Variants in PLEKHA4 observed in about 807,000 individuals in gnomAD.
The protein encoded by PLEKHA4 is pleckstrin homology domain-containing family A member 4.
A neutral mutation model predicts 94.7 loss-of-function variants in PLEKHA4; 73 were observed. That is an observed-to-expected ratio of 0.77 (90% CI 0.64 to 0.94). The LOEUF is 0.94. Among genes scored for constraint, PLEKHA4 ranks in the 40% least tolerant of loss-of-function variants. PLEKHA4 has a pLI of 0.00. For missense variants in PLEKHA4, 1,049 were observed against 1,054.1 expected, an observed-to-expected ratio of 1.00 and a Z score of 0.07; for synonymous variants, 449 against 437.1, an observed-to-expected ratio of 1.03 and a Z score of -0.34.
Position 48,837,448 on chromosome 19 carries a change from A to T in PLEKHA4, c.2181T>A (p.Ala727=). ...GAGAGAACCCCGTGGAACCCGAATT[A>T]GCCACCGGGGGAGATCTGGGGGGAG... is the stretch of plus-strand genomic sequence containing the variant. ...ETPPPRSPPV[A]NSGSTGFSRR... is the part of the protein sequence containing the mutation. The change falls in exon 20 of 20, where the codon GCT becomes GCA. Residue 727 remains alanine (A), a synonymous_variant. Transcript: ENST00000263265. The surrounding 1 kb of genome is among the most constrained non-coding windows in gnomAD (Gnocchi z 4.3). 6.2e-7 allele frequency: 1 copy of T among 1,613,206 alleles called. No individual in the cohort carries two copies. The highest frequency in any genetic ancestry group is 8.5e-7 in the Non-Finnish European group (1 of 1,179,614).
intron 6 of PLEKHA4, 107 bp from the exon 7 acceptor site, chr19:48,859,791 G>T (rs1188089066): frequency 3.9e-6 from 4 of 1,033,562 alleles, no homozygotes; most frequent in African/African-American, 1.6e-5. Flanking sequence ...GGAAAGTTGT[G>T]CACTATAAAT....
chr19:48,845,425 G>A lies in PLEKHA4; in HGVS notation c.1688C>T (p.Ser563Phe). ...PHLGLGSPRVSRASSPEGRHL... is the reference protein window; with the variant it reads ...PHLGLGSPRVFRASSPEGRHL... Reference sequence around the variant, plus strand: ...GCGACCCTCAGGGCTGGAAGCCCGGGAGACCCTCGGAGACCCAAGACCTGG... The same window carrying A: ...GCGACCCTCAGGGCTGGAAGCCCGGAAGACCCTCGGAGACCCAAGACCTGG... Residue 563 changes from serine to phenylalanine, a missense_variant, in exon 16 of 20, where the codon TCC (serine) becomes TTC (phenylalanine). Transcript: ENST00000263265. 1 of 1,613,912 alleles carries A rather than the reference G, an allele frequency of 6.2e-7. No homozygotes were observed. The highest frequency in any genetic ancestry group is 8.5e-7 in the Non-Finnish European group (1 of 1,180,024).
Position 48,839,263 on chromosome 19 carries a change from G to C in PLEKHA4, c.1906C>G (p.Pro636Ala), listed in dbSNP as rs745462779. The change falls in exon 18 of 20, where the codon CCT (proline) becomes GCT (alanine). Residue 636 changes from proline to alanine, a missense_variant and splice_region_variant. By Grantham distance (27) the Pro-to-Ala change is conservative. Coordinates refer to ENST00000263265, the MANE Select transcript of PLEKHA4 (RefSeq NM_020904.3). ...TGGGCTCCCGAGTGTCCTACGACAG[G>C]CTGGAAAGGAATTGGGGCATTAGAA... is the stretch of plus-strand genomic sequence containing the variant. ...ARRQPDVEQRPVVGHSGAQKW... is the reference protein window; with the variant it reads ...ARRQPDVEQRAVVGHSGAQKW... 10 of 1,583,468 alleles carry C rather than the reference G, an allele frequency of 6.3e-6. No individual in the cohort carries two copies. The South Asian group carries it at 1.0e-4, about 16-fold the overall frequency.
At chr19:48,852,148 C>T (rs17272658) in intron 13 of PLEKHA4, 80 bp downstream of exon 13, 133,987 of 1,124,668 alleles carry the variant, frequency 0.12, 9,376 homozygotes, top group Non-Finnish European at 0.14. Flanking sequence ...ATTCTGTGGG[C>T]GAAGATTAAA....
At position 48,853,799 on chromosome 19, in the gene PLEKHA4, C is replaced by A; in HGVS notation, c.1209G>T (p.Arg403=). The change falls in exon 12 of 20, where the codon CGG becomes CGT. Residue 403 remains arginine (R), a synonymous_variant. Coordinates refer to ENST00000263265, the MANE Select transcript of PLEKHA4 (RefSeq NM_020904.3). ...EQLEAALELT[R]QQLGQATREA... The stretch of plus-strand genomic sequence containing the variant: ...CCCTGGTGGCTTGGCCCAGCTGTTG[C>A]CGGGTCAACTCCAGAGCTGCTTCTA... The A allele has an allele frequency of 6.2e-7, 1 of 1,612,818 alleles. No individual in the cohort carries two copies. The highest frequency in any genetic ancestry group is 1.1e-5 in the South Asian group (1 of 90,916).
Position 48,867,530 on chromosome 19 carries a change from C to T in PLEKHA4, c.84+7G>A, listed in dbSNP as rs780554947. On this transcript the variant is annotated splice_region_variant and intron_variant, in intron 2 of 19. Transcript: ENST00000263265. The surrounding 1 kb of genome is among the most constrained non-coding windows in gnomAD (Gnocchi z 4.7). ...CTTCCTCCCCATCCCCGCCAGGAAG[C>T]TCAAACCTTGGGGCTCAGGCTGCTG... 6.3e-7 allele frequency: 1 copy of T among 1,591,518 alleles called. No homozygotes were observed. Among genetic ancestry groups the T allele is most frequent in the Non-Finnish European group, 8.5e-7 (1 of 1,171,672 alleles).
At chr19:48,838,333 C>T in intron 18 of PLEKHA4, 1 of 387,878 alleles carries the variant, frequency 2.6e-6, no homozygotes, top group African/African-American at 2.1e-5. Flanking sequence ...AAGGGTAAAT[C>T]CTTGAAAGGG....
At chr19:48,860,934 C>T (rs1287211138) in intron 5 of PLEKHA4, among the ~76,000 whole-genome samples, 2 of 152,052 alleles carry the variant, frequency 1.3e-5, no homozygotes, top group African/African-American at 4.8e-5. Flanking sequence ...TGGACAGACG[C>T]GGTGGCTCAT....
At chr19:48,858,790 G>A in intron 8 of PLEKHA4, 70 bp downstream of exon 8, 1 of 1,559,944 alleles carries the variant, frequency 6.4e-7, no homozygotes, top group Non-Finnish European at 8.8e-7. Context: ...CAATGGCCTT[G>A]AGAATACGGA....
rs1431529904 is a variant in PLEKHA4, at chr19:48,840,969, C to T, written c.1905+180G>A. ...TCCTCCCCTCACTGCCACTCCTGTC[C>T]ACCCACCACTATCCAGGCGAGGAAG... On this transcript the variant is annotated intron_variant, in intron 17 of 19. Coordinates refer to ENST00000263265, the MANE Select transcript of PLEKHA4 (RefSeq NM_020904.3). Among the ~76,000 whole-genome samples the T allele has an allele frequency of 2.0e-5, 3 of 151,894 alleles. No individual in the cohort carries two copies. The East Asian group carries it at 5.8e-4, about 29-fold the overall frequency.
At chr19:48,839,141 T>C (rs1034050014) in intron 18 of PLEKHA4, 64 bp downstream of exon 18, 31 of 1,140,624 alleles carry the variant, frequency 2.7e-5, no homozygotes, top group Non-Finnish European at 6.3e-6. Context: ...ATAATAATGC[T>C]ACTCCCCTTT....
chr19:48,865,420 T>A, intron 3 of PLEKHA4, 83 bp downstream of exon 3: 4 of 932,710 alleles, frequency 4.3e-6, no homozygotes. Context: ...AAAGAAAGCC[T>A]ATTTGGGGAC....
In PLEKHA4 at chr19:48,837,510, G is replaced by A; in HGVS notation, c.2119C>T (p.Pro707Ser). ...CGCGTGGGGTCCGAAGGAGGCAGCG[G>A]CACACCGGGAAGAGGGTCTCCCTGG... is the stretch of plus-strand genomic sequence containing the variant. ...DSQGDPLPGV[P>S]LPPSDPTRQE... The change falls in exon 20 of 20, where the codon CCG (proline) becomes TCG (serine). Residue 707 changes from proline (P) to serine (S), a missense_variant. Coordinates refer to ENST00000263265, the MANE Select transcript of PLEKHA4 (RefSeq NM_020904.3). The surrounding 1 kb of genome is among the most constrained non-coding windows in gnomAD (Gnocchi z 4.3). 6.2e-7 allele frequency: 1 copy of A among 1,613,072 alleles called. No individual in the cohort carries two copies. The highest frequency in any genetic ancestry group is 8.5e-7 in the Non-Finnish European group (1 of 1,179,592).
At chr19:48,861,776 CAGAG>C (rs1423523633) in intron 3 of PLEKHA4, 84 bp from the exon 4 acceptor site, 10 of 1,245,168 alleles carry the variant, frequency 8.0e-6, no homozygotes, top group Admixed American at 1.9e-5. Flanking sequence ...GACAGAGAGC[CAGAG>C]AGAGAAAGAA....
At chr19:48,844,357 G>A (rs547914336) in intron 16 of PLEKHA4, 79 of 587,440 alleles carry the variant, frequency 1.3e-4, no homozygotes, top group Non-Finnish European at 1.5e-4. Context: ...TTTTCACCAT[G>A]TTGGTCAATC....
At position 48,865,607 on chromosome 19, in the gene PLEKHA4, G is replaced by T. The variant is rs2036803780; in HGVS notation, c.88C>A (p.Pro30Thr). Residue 30 changes from proline (P) to threonine (T), a missense_variant, in exon 3 of 20, where the codon CCC (proline) becomes ACC (threonine). Physicochemically the swap from Pro to Thr is conservative, Grantham distance 38. Transcript: ENST00000263265. ...TGGATCTTGTTTACTGCCCGGGTGG[G>T]CTTCTGAGGAGAGAAGGGGACAGAA... The part of the protein sequence containing the change: ...SSLSSLSPKK[P>T]TRAVNKIHAF... 1.2e-6 allele frequency: 2 copies of T among 1,610,244 alleles called. No homozygotes were observed. Among genetic ancestry groups the T allele is most frequent in the African/African-American group, 1.3e-5 (1 of 74,692 alleles).
intron 16 of PLEKHA4, among the ~76,000 whole-genome samples, chr19:48,843,819 G>A (rs1185091673): frequency 6.6e-6 from 1 of 151,686 alleles, no homozygotes; most frequent in Non-Finnish European, 1.5e-5. Context: ...TGCTACACCC[G>A]GCTAATTTTT....
rs747034822 is a variant in PLEKHA4 at position 48,858,910 on chromosome 19, C to T, written c.922G>A (p.Gly308Arg). 7 of 1,605,298 alleles carry T rather than the reference C, an allele frequency of 4.4e-6. No individual in the cohort carries two copies. The East Asian group carries it at 1.6e-4, about 36-fold the overall frequency. Residue 308 changes from glycine to arginine, a missense_variant, in exon 8 of 20, where the codon GGA becomes AGA. Transcript: ENST00000263265. ...RRGPPSEAGGGKPPRSPQHWS... is the reference protein window; with the variant it reads ...RRGPPSEAGGRKPPRSPQHWS... ...TGCTGGGGACTCCTGGGGGGCTTTC[C>T]TCCCCCAGCCTCAGAGGGAGGTCCT... is the stretch of plus-strand genomic sequence containing the variant.
chr19:48,858,519 C>T (rs1050686810), intron 8 of PLEKHA4, among the ~76,000 whole-genome samples: 5 of 150,466 alleles, frequency 3.3e-5, no homozygotes, highest in Admixed American at 6.7e-5. Context: ...CCTAGCTACT[C>T]GGGAGGCTGA....
Sources: gnomAD v4.1 joint callset for allele counts (sites outside exome capture counted in the v4.1 genomes callset) on GRCh38, gnomAD v4.1.1 for gene constraint, Gnocchi (gnomAD v3.1) non-coding constraint, MANE v1.5 for transcripts, NCBI Gene and HGNC (gene_info 2026-07-23, HGNC 2026-07-21) for gene names.